PDXDC1: variants seen among roughly 807,000 people sequenced by gnomAD.
PDXDC1 encodes the protein pyridoxal-dependent decarboxylase domain-containing protein 1.
In PDXDC1, 42 loss-of-function variants were observed where a neutral mutation model predicts 100.1. The ratio of observed to expected loss-of-function variants is 0.42; its 90% CI spans 0.33 to 0.54. The LOEUF (loss-of-function observed/expected upper bound fraction) is 0.54, where lower values mean the gene tolerates loss of function less well. PDXDC1 is among the 20% of genes least tolerant of loss of function. PDXDC1 has a pLI of 0.10. For synonymous variants in PDXDC1, 260 were observed against 371.7 expected, an observed-to-expected ratio of 0.70 and a Z score of 3.46; for missense variants, 636 against 979.2, an observed-to-expected ratio of 0.65 and a Z score of 4.68.
At position 15,094,396 on chromosome 16, in the gene PDXDC1, C is replaced by A. The variant is rs774658170; in HGVS notation, c.1400-44483C>A. The A allele has an allele frequency of 2.0e-5, 13 of 656,340 alleles. No individual in the cohort carries two copies. The South Asian group carries it at 2.3e-4, about 12-fold the overall frequency. The allele number at this position is 656,340 out of a possible 1,614,324, so 40.7% of individuals were successfully genotyped here. A position where few individuals can be genotyped will look rare whatever the true frequency, so the allele number is the denominator to read the frequency against. On this transcript the variant is annotated intron_variant, in intron 16 of 16. Coordinates refer to the PDXDC1 transcript ENST00000535621. ...TCGGCGGGCTAGAGCGCCGCTGAAA[C>A]CCGCTCCTCGTTCTACTTGGAGGAC...
At chr16:15,140,933 C>T (rs933524153), downstream of PDXDC1, among the ~76,000 whole-genome samples, 7 of 152,118 alleles carry the variant, frequency 4.6e-5, no homozygotes, top group Admixed American at 4.6e-4. Context: ...TCACCCTCCC[C>T]ACGAGTGACC....
chr16:15,000,375 T>C (rs1972881129), intron 3 of PDXDC1, among the ~76,000 whole-genome samples: 1 of 152,296 alleles, frequency 6.6e-6, no homozygotes, highest in African/African-American at 2.4e-5. Context: ...AATAGCTTGC[T>C]CGAGGTCATG....
chr16:15,104,421 T>C (rs1396840817), intron 16 of PDXDC1: 2 of 1,444,270 alleles, frequency 1.4e-6, no homozygotes, highest in Non-Finnish European at 1.8e-6. Flanking sequence ...GTCTTGAGAT[T>C]ATCATCCGCT....
intron 16 of PDXDC1, chr16:15,055,750 G>A (rs1273934984): frequency 1.7e-5 from 7 of 420,554 alleles, no homozygotes; most frequent in East Asian, 3.7e-5. Flanking sequence ...CCCCTCAAGG[G>A]GAAGACGCGA....
At chr16:15,040,609 G>C (rs1047595616), downstream of PDXDC1, 1 of 178,968 alleles carries the variant, frequency 5.6e-6, no homozygotes, top group Non-Finnish European at 1.2e-5. Flanking sequence ...GATGGTTCTA[G>C]GTTTTCTCTA....
intron 1 of PDXDC1, among the ~76,000 whole-genome samples, chr16:14,994,005 A>AT (rs1394871737): frequency 6.6e-6 from 1 of 152,268 alleles, no homozygotes; most frequent in Non-Finnish European, 1.5e-5. Context: ...TTTCTTGTAA[A>AT]TTTGTTTGAG....
intron 6 of PDXDC1, 26 bp from the exon 7 acceptor site, chr16:15,008,753 G>T (rs1335987744): frequency 1.2e-6 from 2 of 1,611,586 alleles, no homozygotes; most frequent in South Asian, 1.1e-5. Flanking sequence ...GAGCTTTCTT[G>T]TCAAGTCATA....
intron 16 of PDXDC1, among the ~76,000 whole-genome samples, chr16:15,070,668 G>T (rs947195249): frequency 2.6e-5 from 4 of 152,042 alleles, no homozygotes; most frequent in African/African-American, 9.7e-5. Flanking sequence ...ATAATTTTGT[G>T]GTTGGGGAAG....
chr16:15,064,550 G>A (rs1597873579), intron 16 of PDXDC1, among the ~76,000 whole-genome samples: 2 of 152,280 alleles, frequency 1.3e-5, no homozygotes, highest in Middle Eastern at 3.4e-3. Context: ...ACACTTGGCA[G>A]AAAATTATGA....
chr16:15,036,160 G>A lies in PDXDC1; in HGVS notation c.2252G>A (p.Gly751Glu). Residue 751 changes from glycine to glutamate, a missense_variant, in exon 23 of 23, where the codon GGA (glycine) becomes GAA (glutamate). Physicochemically the swap from Gly to Glu is moderately conservative, Grantham distance 98. Around this residue, in one of 4 missense-constraint regions of PDXDC1, gnomAD observed 452 missense variants for 402.9 expected, o/e 1.12. Transcript: ENST00000396410. ...ACCCTCGAGGCCAGCAGCACTGAGG[G>A]ACACCCAGGGGCTCCCAGCCCTCAG... ...QITLEASSTE[G>E]HPGAPSPQHT... The A allele has an allele frequency of 1.2e-6, 2 of 1,614,168 alleles. No individual in the cohort carries two copies. The highest frequency in any genetic ancestry group is 2.2e-5 in the South Asian group (2 of 91,086).
chr16:15,133,205 G>A lies in PDXDC1; in HGVS notation c.1400-5674G>A, dbSNP rs533404241. 75 of 1,152,826 alleles carry A rather than the reference G, an allele frequency of 6.5e-5. No individual in the cohort carries two copies. In the African/African-American group the frequency reaches 9.7e-4, roughly 15 times the overall value. The allele number at this position is 1,152,826 out of a possible 1,614,324, so 71.4% of individuals were successfully genotyped here. ...CCGCAAAGCTCCAGGCAGGGGTACAGGTCTTGGTCCCCAGCACGCATGCAG... is the reference window on the plus strand; with the variant it reads ...CCGCAAAGCTCCAGGCAGGGGTACAAGTCTTGGTCCCCAGCACGCATGCAG... On this transcript the variant is annotated intron_variant, in intron 16 of 16. Coordinates refer to the PDXDC1 transcript ENST00000535621.
At chr16:15,024,056 C>T (rs1351673723) in intron 13 of PDXDC1, among the ~76,000 whole-genome samples, 4 of 152,276 alleles carry the variant, frequency 2.6e-5, no homozygotes, top group Non-Finnish European at 5.9e-5. Flanking sequence ...GTCATCGCTG[C>T]TCCCTTATTC....
At chr16:15,122,845 A>AGGGGAGGGGAG (rs2047497628) in intron 16 of PDXDC1, among the ~76,000 whole-genome samples, 1 of 22,348 alleles carries the variant, frequency 4.5e-5, no homozygotes, top group Non-Finnish European at 8.1e-5. Context: ...GGGGAGGGGA[A>AGGGGAGGGGAG]GGGGAGGGGA....
intron 12 of PDXDC1, among the ~76,000 whole-genome samples, chr16:15,021,786 A>G (rs1490096197): frequency 2.6e-5 from 4 of 152,280 alleles, no homozygotes; most frequent in Admixed American, 2.0e-4. Flanking sequence ...TGGAGCATAC[A>G]TTTCCTGAGA....
chr16:15,092,372 G>A (rs1225458675), intron 16 of PDXDC1: 10 of 662,564 alleles, frequency 1.5e-5, no homozygotes, highest in Non-Finnish European at 2.7e-5. Context: ...TGCACTGACG[G>A]CATCATGCTA....
intron 16 of PDXDC1, chr16:15,060,988 CTG>C (rs2044689556): frequency 6.6e-6 from 1 of 152,268 alleles, no homozygotes; most frequent in African/African-American, 2.4e-5. Context: ...CACTTTCAGT[CTG>C]TGTGAATTAC....
the PDXDC1 span, among the ~76,000 whole-genome samples, chr16:15,151,770 A>T: frequency 1.6e-5 from 2 of 122,080 alleles, no homozygotes; most frequent in South Asian, 5.9e-4. Context: ...TGTCTCTACT[A>T]AAAATAGAAA....
chr16:15,132,921 G>C, intron 16 of PDXDC1: 1 of 1,583,928 alleles, frequency 6.3e-7, no homozygotes, highest in Non-Finnish European at 8.6e-7. Flanking sequence ...GCAGGAGACC[G>C]GCAGGAGGCC....
At chr16:15,077,321 T>A (rs1597937527) in intron 16 of PDXDC1, among the ~76,000 whole-genome samples, 1 of 152,228 alleles carries the variant, frequency 6.6e-6, no homozygotes, top group South Asian at 2.1e-4. Context: ...AAGTCACACA[T>A]GTTGCTGGGG....
Sources: allele counts gnomAD v4.1 joint callset (sites outside exome capture counted in the v4.1 genomes callset), GRCh38; gene constraint gnomAD v4.1.1; regional missense constraint gnomAD v4.1.1; transcripts MANE v1.5; gene names NCBI Gene and HGNC (gene_info 2026-07-23, HGNC 2026-07-21).